Variants in PTPRN2 observed in about 807,000 individuals in gnomAD.
The protein encoded by PTPRN2 is receptor-type tyrosine-protein phosphatase N2.
PTPRN2 carries 74 observed loss-of-function variants against 118.8 expected under a neutral mutation model. The observed-to-expected ratio is 0.62, with a 90% CI of 0.52 to 0.76. The LOEUF (loss-of-function observed/expected upper bound fraction) is 0.76. Ranked by LOEUF, PTPRN2 falls within the 30% of genes least tolerant of loss-of-function variation. The probability of loss-of-function intolerance (pLI) is 0.00; values close to 1 mark genes in which losing one functional copy is unlikely to be tolerated. For missense variants in PTPRN2, 1,481 were observed against 1,394.4 expected (o/e 1.06, Z -0.99); for synonymous variants, 641 against 608.0 (o/e 1.05, Z -0.80).
Position 157,785,219 on chromosome 7 carries a change from C to A in PTPRN2, c.1789-102282G>T, listed in dbSNP as rs1235067984. On this transcript the variant is annotated intron_variant, in intron 12 of 22. Coordinates refer to ENST00000389418, the MANE Select transcript of PTPRN2 (RefSeq NM_002847.5). The surrounding 1 kb of genome is among the most constrained non-coding windows in gnomAD (Gnocchi z 7.3). ...GATAACCCGGGCCCACGTGGGGACA[C>A]GCCCCGCCCCACAGGCTTGCACCGG... 6.6e-6 allele frequency among the ~76,000 whole-genome samples: 1 copy of A among 151,888 alleles called. No individual in the cohort carries two copies. The highest frequency in any genetic ancestry group is 1.5e-5 in the Non-Finnish European group (1 of 68,014).
At chr7:158,187,209 C>T (rs976205126) in intron 5 of PTPRN2, among the ~76,000 whole-genome samples, 3 of 152,140 alleles carry the variant, frequency 2.0e-5, no homozygotes, top group Non-Finnish European at 4.4e-5. Flanking sequence ...TGATTATATT[C>T]CCAGTGGAAT....
rs531891642 is a variant in PTPRN2 at position 158,217,214 on chromosome 7, G to A, written c.278-11941C>T. On this transcript the variant is annotated intron_variant, in intron 3 of 22. Transcript: ENST00000389418. ...TTTAGCTGGTGGCCCCTGATAGAGTGCTTTCACCAGCAGCCTAGCTGCACC... is the reference window on the plus strand; with the variant it reads ...TTTAGCTGGTGGCCCCTGATAGAGTACTTTCACCAGCAGCCTAGCTGCACC... 4.3e-4 allele frequency among the ~76,000 whole-genome samples: 65 copies of A among 152,316 alleles called. 1 individual carries two copies. In the South Asian group the frequency reaches 0.012, roughly 29 times the overall value.
At chr7:158,384,665 T>G (rs1811198318) in intron 2 of PTPRN2, among the ~76,000 whole-genome samples, 1 of 152,182 alleles carries the variant, frequency 6.6e-6, no homozygotes, top group African/African-American at 2.4e-5. Context: ...GGAATGAACC[T>G]TCCCTTCATC....
chr7:158,027,150 C>A (rs1191993498), intron 11 of PTPRN2, among the ~76,000 whole-genome samples: 1 of 152,188 alleles, frequency 6.6e-6, no homozygotes, highest in African/African-American at 2.4e-5. Flanking sequence ...GGAAAGTGCC[C>A]AGCCACAGCC....
At chr7:157,841,792 G>A (rs145677466) in intron 12 of PTPRN2, among the ~76,000 whole-genome samples, 4,658 of 152,282 alleles carry the variant, frequency 0.031, 97 homozygotes, top group Non-Finnish European at 0.039. Context: ...ATATTGCAGC[G>A]TTCGGGGTGC....
chr7:157,613,474 C>T (rs766366156), intron 15 of PTPRN2, among the ~76,000 whole-genome samples: 1 of 152,208 alleles, frequency 6.6e-6, no homozygotes. Flanking sequence ...CCGCAAACCT[C>T]GGGGCCTCAA....
rs1808765907 is a variant in PTPRN2, at chr7:157,845,807, G to A, written c.1788+52866C>T. ...TGGGCAGAGGAAGGACAAGCAACGT[G>A]GGGCCATGGGGAGGGACGGAAGACA... On this transcript the variant is annotated intron_variant, in intron 12 of 22. Coordinates refer to ENST00000389418, the MANE Select transcript of PTPRN2 (RefSeq NM_002847.5). This position sits in a 1 kb window ranked among gnomAD's most constrained non-coding sequence, Gnocchi z 4.5. Among the ~76,000 whole-genome samples, 1 of 152,156 alleles carries A rather than the reference G, an allele frequency of 6.6e-6. No homozygotes were observed. Among genetic ancestry groups the A allele is most frequent in the Middle Eastern group, 3.2e-3 (1 of 316 alleles).
At chr7:158,462,747 C>A (rs1195870596) in intron 2 of PTPRN2, among the ~76,000 whole-genome samples, 1 of 152,172 alleles carries the variant, frequency 6.6e-6, no homozygotes, top group Non-Finnish European at 1.5e-5. Context: ...GGAAGGATGT[C>A]CAGCTCACAG....
chr7:158,510,890 C>G (rs1823129889), intron 1 of PTPRN2, among the ~76,000 whole-genome samples: 1 of 152,322 alleles, frequency 6.6e-6, no homozygotes, highest in Non-Finnish European at 1.5e-5. Flanking sequence ...GTGTCGAGTT[C>G]CCAGCAGTGG....
At chr7:158,150,665 A>G (rs73514443) in intron 6 of PTPRN2, among the ~76,000 whole-genome samples, 20,334 of 151,892 alleles carry the variant, frequency 0.13, 2,337 homozygotes, top group African/African-American at 0.31. Context: ...AACATAACCC[A>G]GGGGGGTCAC....
intron 11 of PTPRN2, among the ~76,000 whole-genome samples, chr7:157,923,959 T>C (rs1798828305): frequency 1.3e-5 from 2 of 152,122 alleles, no homozygotes; most frequent in South Asian, 4.1e-4. Context: ...TGGTGTGCTG[T>C]TTGGGTTGGA....
At chr7:158,351,980 C>G (rs200775393) in intron 2 of PTPRN2, among the ~76,000 whole-genome samples, 230 of 33,224 alleles carry the variant, frequency 6.9e-3, no homozygotes, top group Middle Eastern at 0.022. Context: ...CTGACCGCTC[C>G]CCTCCTGTCC....
chr7:158,337,107 T>C (rs112101399), intron 2 of PTPRN2, among the ~76,000 whole-genome samples: 43 of 61,092 alleles, frequency 7.0e-4, no homozygotes, highest in African/African-American at 2.1e-3. Context: ...ACTCTCACCA[T>C]AAGAGCTGAG....
chr7:158,055,803 G>A (rs1179064558), intron 11 of PTPRN2, among the ~76,000 whole-genome samples: 1 of 152,154 alleles, frequency 6.6e-6, no homozygotes, highest in Non-Finnish European at 1.5e-5. Context: ...TATCAGCGCA[G>A]CCTGGCATTC....
At chr7:157,692,693 C>A (rs1797567087) in intron 12 of PTPRN2, among the ~76,000 whole-genome samples, 1 of 152,200 alleles carries the variant, frequency 6.6e-6, no homozygotes, top group South Asian at 2.1e-4. Context: ...AGGCCCGGTG[C>A]GGCTCGGCGG....
chr7:158,502,630 C>T (rs1422029994), intron 1 of PTPRN2, among the ~76,000 whole-genome samples: 1 of 152,254 alleles, frequency 6.6e-6, no homozygotes, highest in African/African-American at 2.4e-5. Flanking sequence ...GTTCACACAG[C>T]GAGGCTAGGT....
At chr7:157,790,544 C>T (rs1003936567) in intron 12 of PTPRN2, among the ~76,000 whole-genome samples, 6 of 151,988 alleles carry the variant, frequency 3.9e-5, no homozygotes, top group South Asian at 2.1e-4. Context: ...GAGTGTATGA[C>T]GAAGGGGGCA....
chr7:158,043,095 C>T (rs1808589864), intron 11 of PTPRN2, among the ~76,000 whole-genome samples: 2 of 152,100 alleles, frequency 1.3e-5, no homozygotes, highest in African/African-American at 4.8e-5. Flanking sequence ...CCCATAGTTC[C>T]AGCTACTCGG....
chr7:157,816,052 G>A (rs1259130734), intron 12 of PTPRN2, among the ~76,000 whole-genome samples: 1 of 152,194 alleles, frequency 6.6e-6, no homozygotes, highest in Non-Finnish European at 1.5e-5. Context: ...TCTCGCTGGT[G>A]TACATGTGAA....
Sources: gnomAD v4.1 joint callset for allele counts (sites outside exome capture counted in the v4.1 genomes callset) on GRCh38, gnomAD v4.1.1 for gene constraint, Gnocchi (gnomAD v3.1) non-coding constraint, MANE v1.5 for transcripts, NCBI Gene and HGNC (gene_info 2026-07-23, HGNC 2026-07-21) for gene names.